The following KATNBL1 variants were observed in gnomAD, a reference collection of about 807,000 sequenced individuals.
KATNBL1 encodes the protein katanin regulatory subunit B1 like 1, also known as KATNB1-like protein 1.
In KATNBL1, 28 loss-of-function variants were observed where a neutral mutation model predicts 44.7. The observed-to-expected ratio is 0.63, with a 90% CI of 0.46 to 0.86. The LOEUF (loss-of-function observed/expected upper bound fraction) is 0.86. Among genes scored for constraint, KATNBL1 ranks in the 40% least tolerant of loss-of-function variants. The probability of loss-of-function intolerance (pLI) is 0.00; values close to 1 mark genes in which losing one functional copy is unlikely to be tolerated. For missense variants in KATNBL1, 272 were observed against 350.7 expected, an observed-to-expected ratio of 0.78 and a Z score of 1.79; for synonymous variants, 78 against 114.9, an observed-to-expected ratio of 0.68 and a Z score of 2.06.
At chr15:34,168,202 T>C (rs1436687757) in intron 1 of KATNBL1, among the ~76,000 whole-genome samples, 1 of 152,002 alleles carries the variant, frequency 6.6e-6, no homozygotes. Context: ...CCATCTCACG[T>C]GCAAAGATAC....
chr15:34,203,865 C>T (rs1890228203), intron 1 of KATNBL1, among the ~76,000 whole-genome samples: 1 of 151,470 alleles, frequency 6.6e-6, no homozygotes, highest in African/African-American at 2.4e-5. Context: ...GAACATCACA[C>T]ACCGGGCCCT....
chr15:34,180,562 T>C (rs894201211), intron 1 of KATNBL1, among the ~76,000 whole-genome samples: 5 of 152,200 alleles, frequency 3.3e-5, no homozygotes, highest in African/African-American at 4.8e-5. Flanking sequence ...TCGACCCAGG[T>C]CTTCTTTAAT....
At chr15:34,143,900 G>A (rs951771883) in intron 9 of KATNBL1, among the ~76,000 whole-genome samples, 1 of 140,884 alleles carries the variant, frequency 7.1e-6, no homozygotes, top group African/African-American at 2.6e-5. Flanking sequence ...CTGGGAGGTG[G>A]AGCTTGTAGT....
At chr15:34,191,512 G>A (rs1422159990) in intron 1 of KATNBL1, among the ~76,000 whole-genome samples, 1 of 152,000 alleles carries the variant, frequency 6.6e-6, no homozygotes, top group East Asian at 1.9e-4. Flanking sequence ...TTGCCCAACT[G>A]TTTTTACAGT....
At chr15:34,150,728 A>G (rs572297189) in intron 4 of KATNBL1, among the ~76,000 whole-genome samples, 34 of 152,320 alleles carry the variant, frequency 2.2e-4, no homozygotes, top group African/African-American at 7.9e-4. Context: ...ATAGTAACTG[A>G]TAAGTAGTTT....
intron 1 of KATNBL1, among the ~76,000 whole-genome samples, chr15:34,166,336 A>G (rs558678661): frequency 3.9e-5 from 6 of 152,360 alleles, no homozygotes; most frequent in Non-Finnish European, 8.8e-5. Context: ...GCTTACTGCC[A>G]GCGCAGCAGT....
chr15:34,154,951 G>C (rs1888595068), intron 2 of KATNBL1: 1 of 431,192 alleles, frequency 2.3e-6, no homozygotes, highest in South Asian at 2.6e-5. Flanking sequence ...TAGGCTATCT[G>C]GGTATGAGGC....
chr15:34,181,794 AT>A (rs1889560634), intron 1 of KATNBL1, among the ~76,000 whole-genome samples: 2 of 80,498 alleles, frequency 2.5e-5, no homozygotes, highest in African/African-American at 1.3e-4. Context: ...CCATATATAT[AT>A]CCATATATAT....
intron 1 of KATNBL1, among the ~76,000 whole-genome samples, chr15:34,193,223 A>AC (rs1355552683): frequency 5.2e-5 from 7 of 135,744 alleles, no homozygotes; most frequent in Non-Finnish European, 3.3e-5. Context: ...TCTCAAAAAA[A>AC]AAAAAAAAAA....
rs572844288 is a variant in KATNBL1 at position 34,177,568 on chromosome 15, C to T, written c.-14-13878G>A. Among the ~76,000 whole-genome samples the T allele has an allele frequency of 4.2e-3, 574 of 137,200 alleles. 6 individuals are homozygous for T. The highest frequency in any genetic ancestry group is 0.015 in the African/African-American group (555 of 37,350). The allele number at this position is 137,200 out of a possible 152,430, so 90.0% of individuals were successfully genotyped here. A position where few individuals can be genotyped will look rare whatever the true frequency, so the allele number is the denominator to read the frequency against. ...CTGAGGCAGGAGAATCACTTGAGCC[C>T]GCGAGGCAGAGGTTGCAGCGAGCCA... On this transcript the variant is annotated intron_variant, in intron 1 of 9. Coordinates refer to ENST00000256544, the MANE Select transcript of KATNBL1 (RefSeq NM_024713.3).
chr15:34,151,436 CTTTTTTTTTTTTTTT>C lies in KATNBL1; in HGVS notation c.438+1339_438+1353del, dbSNP rs58824450. Among the ~76,000 whole-genome samples the C allele has an allele frequency of 9.5e-3, 576 of 60,726 alleles. 7 individuals are homozygous for C. The highest frequency in any genetic ancestry group is 0.035 in the African/African-American group (523 of 14,946). 39.8% of individuals were successfully genotyped at this position (60,726 alleles called of 152,430 possible). A position where few individuals can be genotyped will look rare whatever the true frequency, so the allele number is the denominator to read the frequency against. ...AAGTGTCTATTGTGTCCTTTGCCTA[CTTTTTTTTTTTTTTT>C]TTTTTTTTTTTTTTTTTTGAGACAG... is the stretch of plus-strand genomic sequence containing the variant. On this transcript the variant is annotated intron_variant, in intron 4 of 9. Coordinates refer to ENST00000256544, the MANE Select transcript of KATNBL1 (RefSeq NM_024713.3).
chr15:34,155,139 T>C (rs1888601573), intron 2 of KATNBL1, among the ~76,000 whole-genome samples: 1 of 152,214 alleles, frequency 6.6e-6, no homozygotes, highest in Non-Finnish European at 1.5e-5. Flanking sequence ...ATGAGGAAGT[T>C]AAACTTTAAA....
chr15:34,159,779 T>C (rs1225297552), intron 2 of KATNBL1, among the ~76,000 whole-genome samples: 1 of 152,196 alleles, frequency 6.6e-6, no homozygotes, highest in African/African-American at 2.4e-5. Flanking sequence ...CTTAATAGAT[T>C]TGTCCCTGCA....
intron 1 of KATNBL1, chr15:34,199,776 C>CCT (rs1890125553): frequency 1.3e-5 from 2 of 152,288 alleles, no homozygotes; most frequent in African/African-American, 4.8e-5. Context: ...TGTTCCAGCT[C>CCT]TTAAAGGTGA....
chr15:34,171,015 AC>A (rs1238352100), intron 1 of KATNBL1, among the ~76,000 whole-genome samples: 2 of 152,256 alleles, frequency 1.3e-5, no homozygotes, highest in African/African-American at 4.8e-5. Context: ...CATTCAGGAC[AC>A]AGACATCGGC....
chr15:34,182,093 A>C (rs2140970059), intron 1 of KATNBL1, among the ~76,000 whole-genome samples: 1 of 152,080 alleles, frequency 6.6e-6, no homozygotes, highest in South Asian at 2.1e-4. Flanking sequence ...CAACGAAAAC[A>C]AGTAAGAGTC....
intron 1 of KATNBL1, among the ~76,000 whole-genome samples, chr15:34,196,433 T>C (rs1342689206): frequency 1.4e-5 from 2 of 148,100 alleles, no homozygotes; most frequent in East Asian, 4.1e-4. Context: ...TAAAATAAAA[T>C]AATTTTTAAA....
intron 1 of KATNBL1, among the ~76,000 whole-genome samples, chr15:34,168,303 A>G (rs1360807794): frequency 4.6e-5 from 7 of 152,198 alleles, no homozygotes; most frequent in Admixed American, 4.6e-4. Context: ...GTCTCTTATA[A>G]ACAGACTTTA....
At chr15:34,179,779 G>A (rs973855550) in intron 1 of KATNBL1, among the ~76,000 whole-genome samples, 21 of 152,090 alleles carry the variant, frequency 1.4e-4, no homozygotes, top group Non-Finnish European at 7.4e-5. Context: ...TGGGATTATG[G>A]GTGCTCCCCC....
Sources: allele counts gnomAD v4.1 joint callset (sites outside exome capture counted in the v4.1 genomes callset), GRCh38; gene constraint gnomAD v4.1.1; transcripts MANE v1.5; gene names NCBI Gene and HGNC (gene_info 2026-07-23, HGNC 2026-07-21).